The following MLIP variants were observed in gnomAD, a reference collection of about 807,000 sequenced individuals.
MLIP encodes the protein muscular LMNA-interacting protein.
In MLIP, 79 loss-of-function variants were observed where a neutral mutation model predicts 84.8. The observed-to-expected ratio is 0.93, with a 90% CI of 0.78 to 1.12. The LOEUF is 1.12. Ranked by LOEUF, MLIP falls within the 50% of genes most tolerant of loss-of-function variation. The pLI is 0.00. For synonymous variants in MLIP, 504 were observed against 463.0 expected (o/e 1.09, Z -1.14); for missense variants, 1,257 against 1,160.6 (o/e 1.08, Z -1.21).
At chr6:54,037,170 T>A (rs1173359383) in intron 1 of MLIP, among the ~76,000 whole-genome samples, 1 of 152,014 alleles carries the variant, frequency 6.6e-6, no homozygotes, top group Admixed American at 6.6e-5. Context: ...CTTTGGTGGA[T>A]ACTTCTATGT....
At chr6:54,257,246 T>C (rs1052665830) in intron 12 of MLIP, 62 bp from the exon 13 acceptor site, 2 of 1,191,990 alleles carry the variant, frequency 1.7e-6, no homozygotes, top group African/African-American at 3.1e-5. Context: ...AAATGAAATT[T>C]TAACATTTAT....
At chr6:54,229,646 T>C (rs973049128) in intron 11 of MLIP, among the ~76,000 whole-genome samples, 2 of 152,206 alleles carry the variant, frequency 1.3e-5, no homozygotes, top group Admixed American at 6.5e-5. Context: ...CTGCATTAGT[T>C]TGCTGAGGAT....
chr6:54,264,136 G>C (rs1301946061), intron 13 of MLIP, among the ~76,000 whole-genome samples: 1 of 152,016 alleles, frequency 6.6e-6, no homozygotes, highest in Non-Finnish European at 1.5e-5. Flanking sequence ...ATAGTGCTAA[G>C]CTTGCTGGCA....
chr6:54,030,366 T>C (rs1262937537), intron 1 of MLIP, among the ~76,000 whole-genome samples: 4 of 152,196 alleles, frequency 2.6e-5, no homozygotes, highest in East Asian at 1.9e-4. Flanking sequence ...ATACCTAATA[T>C]GTGCTTCATA....
chr6:54,070,741 T>A (rs533188679), intron 1 of MLIP, among the ~76,000 whole-genome samples: 1 of 152,346 alleles, frequency 6.6e-6, no homozygotes, highest in South Asian at 2.1e-4. Context: ...ATATTGTTTT[T>A]TTATGTGCAT....
At chr6:54,108,887 T>C (rs982498750), upstream of MLIP, among the ~76,000 whole-genome samples, 4 of 152,012 alleles carry the variant, frequency 2.6e-5, no homozygotes, top group Non-Finnish European at 5.9e-5. Flanking sequence ...TTTCATAGCG[T>C]TTGAATCCAC....
rs542217288 is a variant in MLIP, at chr6:54,222,173, A to G, written c.2719-8541A>G. On this transcript the variant is annotated intron_variant, in intron 11 of 13. Coordinates refer to ENST00000502396, the MANE Select transcript of MLIP (RefSeq NM_001281747.2). ...TCACCACAATCAAGCTAGCATATTTATCACCTCATGCAATTAACATTATTA... is the reference window on the plus strand; with the variant it reads ...TCACCACAATCAAGCTAGCATATTTGTCACCTCATGCAATTAACATTATTA... 2.0e-5 allele frequency among the ~76,000 whole-genome samples: 3 copies of G among 152,206 alleles called. No homozygotes were observed. The East Asian group carries it at 5.8e-4, about 29-fold the overall frequency.
At chr6:54,160,702 T>C (rs1344559912) in intron 7 of MLIP, 38 bp from the exon 8 acceptor site, 1 of 1,527,982 alleles carries the variant, frequency 6.5e-7, no homozygotes, top group Non-Finnish European at 9.1e-7. Context: ...TTTTCTTTCC[T>C]TTTCTCTTCT....
At chr6:54,245,026 T>A (rs1781984752) in intron 12 of MLIP, among the ~76,000 whole-genome samples, 1 of 152,180 alleles carries the variant, frequency 6.6e-6, no homozygotes, top group Non-Finnish European at 1.5e-5. Context: ...GCCTTTGGAA[T>A]TTACTGACTA....
intron 3 of MLIP, 29 bp from the exon 4 acceptor site, chr6:54,136,686 T>A: frequency 1.8e-5 from 26 of 1,424,154 alleles, no homozygotes; most frequent in Non-Finnish European, 2.3e-5. Context: ...AATGTCCTAT[T>A]TCAATCTGTC....
chr6:54,069,342 C>A lies in MLIP; in HGVS notation c.63+50251C>A, dbSNP rs541894465. 5.0e-4 allele frequency among the ~76,000 whole-genome samples: 51 copies of A among 101,200 alleles called. 5 individuals are homozygous for A. Among genetic ancestry groups the A allele is most frequent in the African/African-American group, 1.3e-3 (50 of 39,476 alleles). 66.4% of individuals were successfully genotyped at this position (101,200 alleles called of 152,430 possible). ...TTCTCATTAGAATGTGTACAGGTAA[C>A]AAATAAAACAAATACATTAACATAT... On this transcript the variant is annotated intron_variant, in intron 1 of 12. Coordinates refer to the MLIP transcript ENST00000274897.
chr6:54,217,024 G>T, intron 11 of MLIP: 1 of 985,408 alleles, frequency 1.0e-6, no homozygotes, highest in Non-Finnish European at 1.2e-6. Context: ...ACTGCTGTAA[G>T]TTCTAGACAG....
rs879652435 is a variant in MLIP at position 54,257,251 on chromosome 6, A to G, written c.2923-57A>G. 12 of 1,239,072 alleles carry G rather than the reference A, an allele frequency of 9.7e-6. No individual in the cohort carries two copies. In the African/African-American group the frequency reaches 1.4e-4, roughly 14 times the overall value. The allele number at this position is 1,239,072 out of a possible 1,614,324, so 76.8% of individuals were successfully genotyped here. On this transcript the variant is annotated intron_variant, in intron 12 of 13. Transcript: ENST00000502396. ...CAATCTGTTTAAATGAAATTTTAAC[A>G]TTTATTTTTTTCTCACTTCTACTCC...
chr6:54,263,513 A>C (rs1259573438), intron 13 of MLIP, among the ~76,000 whole-genome samples: 1 of 152,080 alleles, frequency 6.6e-6, no homozygotes, highest in African/African-American at 2.4e-5. Context: ...TTCTCAATAC[A>C]TGCAGCCTAA....
At chr6:54,232,197 GA>G (rs1781052532) in intron 12 of MLIP, among the ~76,000 whole-genome samples, 1 of 151,902 alleles carries the variant, frequency 6.6e-6, no homozygotes, top group Non-Finnish European at 1.5e-5. Context: ...TTAGTTATTT[GA>G]GTTAATAATT....
chr6:54,056,587 G>A (rs540066906), intron 1 of MLIP, among the ~76,000 whole-genome samples: 2 of 152,220 alleles, frequency 1.3e-5, no homozygotes, highest in South Asian at 2.1e-4. Flanking sequence ...TTTTCGTGTC[G>A]TGTGTTTTTA....
chr6:54,116,271 C>T (rs548212722), intron 1 of MLIP, among the ~76,000 whole-genome samples: 36 of 152,196 alleles, frequency 2.4e-4, no homozygotes, highest in African/African-American at 7.7e-4. Flanking sequence ...GGCAGTGTTA[C>T]TCTGACAAGA....
chr6:54,196,042 C>A lies in MLIP; in HGVS notation c.2590-6063C>A, dbSNP rs566097616. 3.3e-5 allele frequency among the ~76,000 whole-genome samples: 5 copies of A among 152,228 alleles called. No individual in the cohort carries two copies. In the East Asian group the frequency reaches 9.7e-4, roughly 29 times the overall value. On this transcript the variant is annotated intron_variant, in intron 10 of 13. Coordinates refer to ENST00000502396, the MANE Select transcript of MLIP (RefSeq NM_001281747.2). ...AGGGTGAAACTCACCAACCCACTTT[C>A]CTTCTTCTCATCCTCTATTGGAAAA...
At chr6:54,050,124 A>G (rs562803778) in intron 1 of MLIP, among the ~76,000 whole-genome samples, 34 of 152,122 alleles carry the variant, frequency 2.2e-4, no homozygotes, top group Non-Finnish European at 4.7e-4. Context: ...AAACATCTGA[A>G]GCTCTAGTGT....
Sources: allele counts gnomAD v4.1 joint callset (sites outside exome capture counted in the v4.1 genomes callset), GRCh38; gene constraint gnomAD v4.1.1; transcripts MANE v1.5; gene names NCBI Gene and HGNC (gene_info 2026-07-23, HGNC 2026-07-21).